PPFIA2: variants seen among roughly 807,000 people sequenced by gnomAD.
The protein encoded by PPFIA2 is PPFI scaffold protein A2, also known as liprin-alpha-2.
In PPFIA2, 46 loss-of-function variants were observed where a neutral mutation model predicts 175.5. That is an observed-to-expected ratio of 0.26 (90% CI 0.21 to 0.34). The LOEUF (loss-of-function observed/expected upper bound fraction) is 0.34, where lower values mean the gene tolerates loss of function less well. Ranked by LOEUF, PPFIA2 falls within the 10% of genes least tolerant of loss-of-function variation. The probability of loss-of-function intolerance (pLI) is 1.00; values close to 1 mark genes in which losing one functional copy is unlikely to be tolerated. For synonymous variants in PPFIA2, 568 were observed against 511.4 expected (o/e 1.11, Z -1.49); for missense variants, 1,179 against 1,506.1 (o/e 0.78, Z 3.60).
intron 4 of PPFIA2, among the ~76,000 whole-genome samples, chr12:81,510,643 T>G (rs1389219841): frequency 6.6e-6 from 1 of 152,124 alleles, no homozygotes; most frequent in Non-Finnish European, 1.5e-5. Flanking sequence ...TAGCAGGAAT[T>G]TAAACAGATG....
chr12:81,549,342 T>C lies in PPFIA2; in HGVS notation c.304-91476A>G, dbSNP rs1049394143. Among the ~76,000 whole-genome samples, 5 of 152,174 alleles carry C rather than the reference T, an allele frequency of 3.3e-5. No homozygotes were observed. In the Middle Eastern group the frequency reaches 0.01, roughly 311 times the overall value. Reference sequence around the variant, plus strand: ...AATTGATTAGAAGATAATTAATGTATATTCTAAGAAAAAAATCTACTTTTA... The same window carrying C: ...AATTGATTAGAAGATAATTAATGTACATTCTAAGAAAAAAATCTACTTTTA... On this transcript the variant is annotated intron_variant, in intron 4 of 32. Coordinates refer to ENST00000549396, the MANE Select transcript of PPFIA2 (RefSeq NM_003625.5).
chr12:81,638,312 A>T (rs2064389211), intron 4 of PPFIA2, among the ~76,000 whole-genome samples: 1 of 152,170 alleles, frequency 6.6e-6, no homozygotes, highest in African/African-American at 2.4e-5. Flanking sequence ...GAGAAAAATA[A>T]GGGTAGTAAT....
chr12:81,432,630 T>C (rs958869662), intron 7 of PPFIA2, among the ~76,000 whole-genome samples: 67 of 152,002 alleles, frequency 4.4e-4, no homozygotes, highest in African/African-American at 1.5e-3. Flanking sequence ...CATGCCCAGA[T>C]GATTTTTGTA....
chr12:81,721,829 A>T (rs982198776), intron 3 of PPFIA2, among the ~76,000 whole-genome samples: 3 of 150,344 alleles, frequency 2.0e-5, no homozygotes, highest in African/African-American at 7.3e-5. Flanking sequence ...TAAAACAAGC[A>T]TTCTCTCTAA....
chr12:81,258,023 T>G lies in PPFIA2; in HGVS notation c.*1671A>C, dbSNP rs769053126. ...TCGTAGTTCCTATATTCTATTTCATTTCTATGAATCAAGATGCCCATGTTT... is the reference window on the plus strand; with the variant it reads ...TCGTAGTTCCTATATTCTATTTCATGTCTATGAATCAAGATGCCCATGTTT... On this transcript the variant is annotated 3_prime_UTR_variant, in exon 33 of 33. Transcript: ENST00000549396. 1.3e-5 allele frequency: 2 copies of G among 152,128 alleles called. No homozygotes were observed. The highest frequency in any genetic ancestry group is 2.9e-5 in the Non-Finnish European group (2 of 68,006). The allele number at this position is 152,128 out of a possible 1,614,324, so 9.4% of individuals were successfully genotyped here. A position where few individuals can be genotyped will look rare whatever the true frequency, so the allele number is the denominator to read the frequency against.
chr12:81,548,461 A>G (rs2067334422), intron 4 of PPFIA2, among the ~76,000 whole-genome samples: 1 of 152,154 alleles, frequency 6.6e-6, no homozygotes, highest in Non-Finnish European at 1.5e-5. Flanking sequence ...CCAAAGCTGG[A>G]GAATAATAAA....
intron 4 of PPFIA2, among the ~76,000 whole-genome samples, chr12:81,527,198 C>A (rs1223336300): frequency 6.6e-6 from 1 of 152,056 alleles, no homozygotes; most frequent in Non-Finnish European, 1.5e-5. Flanking sequence ...CAGAAACAGA[C>A]CAAGAAACCA....
At chr12:81,698,052 A>G (rs141868723) in intron 3 of PPFIA2, among the ~76,000 whole-genome samples, 8 of 152,302 alleles carry the variant, frequency 5.3e-5, no homozygotes, top group African/African-American at 1.7e-4. Flanking sequence ...CACCATGGAT[A>G]TAAGTATTCA....
chr12:81,503,550 T>TAAAAA (rs11352249), intron 4 of PPFIA2, among the ~76,000 whole-genome samples: 1 of 122,946 alleles, frequency 8.1e-6, no homozygotes, highest in Non-Finnish European at 1.8e-5. Context: ...GTTATTTTGC[T>TAAAAA]AAAAAAAAAA....
intron 22 of PPFIA2, chr12:81,311,905 G>C (rs902081562): frequency 2.0e-6 from 1 of 509,086 alleles, no homozygotes; most frequent in African/African-American, 1.9e-5. Flanking sequence ...AGTCTAGAAT[G>C]TCTTTTGACA....
chr12:81,443,915 C>T (rs1487831618), intron 6 of PPFIA2, among the ~76,000 whole-genome samples: 1 of 118,252 alleles, frequency 8.5e-6, no homozygotes, highest in African/African-American at 3.3e-5. Flanking sequence ...AGTGCAGTGG[C>T]GCGATCTGGG....
chr12:81,580,999 C>T (rs1042395310), intron 4 of PPFIA2, among the ~76,000 whole-genome samples: 1 of 151,588 alleles, frequency 6.6e-6, no homozygotes, highest in African/African-American at 2.4e-5. Context: ...TAATGGTGAA[C>T]CTAAATTGAG....
At chr12:81,563,276 C>T (rs1297645497) in intron 4 of PPFIA2, among the ~76,000 whole-genome samples, 1 of 152,170 alleles carries the variant, frequency 6.6e-6, no homozygotes, top group Non-Finnish European at 1.5e-5. Context: ...TGAGCCTGAA[C>T]TTCAAACATT....
intron 7 of PPFIA2, among the ~76,000 whole-genome samples, chr12:81,434,889 C>A (rs1465868326): frequency 2.0e-5 from 3 of 151,868 alleles, no homozygotes; most frequent in African/African-American, 7.3e-5. Flanking sequence ...TATATACTTG[C>A]AAACAATGGA....
At chr12:81,369,032 G>C (rs1354315001) in intron 12 of PPFIA2, 79 bp downstream of exon 12, 9 of 1,333,232 alleles carry the variant, frequency 6.8e-6, no homozygotes, top group South Asian at 5.4e-5. Flanking sequence ...CCCATACTCA[G>C]TTAAAGGCTT....
intron 3 of PPFIA2, among the ~76,000 whole-genome samples, chr12:81,716,898 G>A (rs894850450): frequency 1.3e-5 from 2 of 150,996 alleles, no homozygotes; most frequent in African/African-American, 4.9e-5. Flanking sequence ...CCAGAAAAAA[G>A]GAAGTTCCCA....
At chr12:81,353,005 G>T in intron 17 of PPFIA2, 114 bp downstream of exon 17, 1 of 853,212 alleles carries the variant, frequency 1.2e-6, no homozygotes, top group African/African-American at 1.7e-5. Context: ...CTGAGATTCT[G>T]CAGATCTATT....
intron 27 of PPFIA2, 44 bp from the exon 28 acceptor site, chr12:81,277,458 T>G (rs2040820231): frequency 6.9e-7 from 1 of 1,451,860 alleles, no homozygotes; most frequent in Non-Finnish European, 9.0e-7. Context: ...GAGTCTACCT[T>G]AGCAGGTGGA....
intron 4 of PPFIA2, among the ~76,000 whole-genome samples, chr12:81,604,476 T>C (rs1045769688): frequency 6.6e-6 from 1 of 151,770 alleles, no homozygotes; most frequent in African/African-American, 2.4e-5. Flanking sequence ...TTTTGGTTAG[T>C]ATATTTTAAC....
Sources: allele counts gnomAD v4.1 joint callset (sites outside exome capture counted in the v4.1 genomes callset), GRCh38; gene constraint gnomAD v4.1.1; transcripts MANE v1.5; gene names NCBI Gene and HGNC (gene_info 2026-07-23, HGNC 2026-07-21).